C6: variants seen among roughly 807,000 people sequenced by gnomAD.
The protein encoded by C6 is complement component C6.
A neutral mutation model predicts 112.9 loss-of-function variants in C6; 101 were observed. That is an observed-to-expected ratio of 0.89 (90% CI 0.76 to 1.06). The LOEUF (loss-of-function observed/expected upper bound fraction) is 1.06, where lower values mean the gene tolerates loss of function less well. C6 is among the 50% of genes least tolerant of loss of function. C6 has a pLI of 0.00. For synonymous variants in C6, 431 were observed against 384.1 expected (o/e 1.12, Z -1.43); for missense variants, 1,202 against 1,104.6 (o/e 1.09, Z -1.25).
chr5:41,173,501 T>A (rs1056919589), intron 8 of C6, among the ~76,000 whole-genome samples: 4 of 152,208 alleles, frequency 2.6e-5, no homozygotes, highest in African/African-American at 9.6e-5. Flanking sequence ...GCTGGAAACA[T>A]CAAAACTAAA....
intron 1 of C6, among the ~76,000 whole-genome samples, chr5:41,221,441 T>C (rs1424764541): frequency 2.0e-5 from 3 of 152,172 alleles, no homozygotes; most frequent in Non-Finnish European, 4.4e-5. Context: ...GAATTTAATT[T>C]CTCCTGTGTC....
intron 1 of C6, among the ~76,000 whole-genome samples, chr5:41,226,374 A>G (rs1315142581): frequency 6.6e-6 from 1 of 152,214 alleles, no homozygotes; most frequent in African/African-American, 2.4e-5. Flanking sequence ...ACTGGCCATC[A>G]GAGAAATGCA....
chr5:41,163,032 G>A (rs557307340), intron 9 of C6, among the ~76,000 whole-genome samples: 3 of 152,088 alleles, frequency 2.0e-5, no homozygotes, highest in Admixed American at 6.6e-5. Flanking sequence ...TCTGTGAGGG[G>A]CATGGGATCC....
At chr5:41,167,110 G>T (rs910733372) in intron 9 of C6, among the ~76,000 whole-genome samples, 91 of 151,880 alleles carry the variant, frequency 6.0e-4, no homozygotes, top group African/African-American at 2.1e-3. Context: ...GCTGAATCAT[G>T]GGCTTTCTAT....
chr5:41,144,252 T>C (rs1459921364), intron 17 of C6, among the ~76,000 whole-genome samples: 1 of 152,162 alleles, frequency 6.6e-6, no homozygotes, highest in Non-Finnish European at 1.5e-5. Context: ...ATAACCATAT[T>C]CTGATCTTTT....
At chr5:41,179,843 A>G (rs530334842) in intron 7 of C6, among the ~76,000 whole-genome samples, 1 of 151,944 alleles carries the variant, frequency 6.6e-6, no homozygotes, top group Admixed American at 6.6e-5. Context: ...AATATCTTGA[A>G]GTGTAATACA....
chr5:41,180,735 A>C (rs554677468), intron 7 of C6, among the ~76,000 whole-genome samples: 9 of 152,096 alleles, frequency 5.9e-5, no homozygotes, highest in Non-Finnish European at 1.0e-4. Flanking sequence ...TGATACAGTC[A>C]GGATATTCTT....
intron 9 of C6, among the ~76,000 whole-genome samples, chr5:41,165,184 G>T (rs907831907): frequency 6.6e-6 from 1 of 152,058 alleles, no homozygotes; most frequent in Admixed American, 6.6e-5. Context: ...ATCATAATTT[G>T]CTCATTTTAC....
chr5:41,203,153 GT>G lies in C6; in HGVS notation c.77del (p.His26ProfsTer25). 7.4e-6 allele frequency: 12 copies of G among 1,614,108 alleles called. No individual in the cohort carries two copies. Among genetic ancestry groups the G allele is most frequent in the Non-Finnish European group, 1.0e-5 (12 of 1,179,990 alleles). Reference protein sequence around the residue: ...INKGQACFCDHYAWTQWTSCS... With the variant: ...INKGQACFCDXYAWTQWTSCS... ...AGCTGGTCCACTGAGTCCATGCATAGTGATCACAGAAGCAGGCTTGGCCCTT... is the reference window on the plus strand; with the variant it reads ...AGCTGGTCCACTGAGTCCATGCATAGGATCACAGAAGCAGGCTTGGCCCTT... On this transcript the variant is annotated frameshift_variant, in exon 2 of 18. Coordinates refer to ENST00000337836, the MANE Select transcript of C6 (RefSeq NM_000065.5). LOFTEE classifies it high-confidence loss of function.
chr5:41,220,377 G>A (rs935194706), intron 1 of C6, among the ~76,000 whole-genome samples: 34 of 152,040 alleles, frequency 2.2e-4, no homozygotes, highest in African/African-American at 8.2e-4. Context: ...AGGAATTTGA[G>A]GTCTTCTGCT....
intron 17 of C6, among the ~76,000 whole-genome samples, chr5:41,148,833 C>T (rs1198354370): frequency 6.6e-6 from 1 of 152,148 alleles, no homozygotes; most frequent in Non-Finnish European, 1.5e-5. Flanking sequence ...GATGCTTTGG[C>T]AATGCAAAAT....
chr5:41,188,669 T>C (rs1158304275), intron 5 of C6, among the ~76,000 whole-genome samples: 1 of 152,040 alleles, frequency 6.6e-6, no homozygotes, highest in African/African-American at 2.4e-5. Context: ...ATAGAACTTT[T>C]AGAAGACAAT....
intron 1 of C6, among the ~76,000 whole-genome samples, chr5:41,259,990 T>C (rs1741944803): frequency 6.6e-6 from 1 of 152,174 alleles, no homozygotes; most frequent in Non-Finnish European, 1.5e-5. Flanking sequence ...AACAAACCAC[T>C]CTCAGCTGGA....
chr5:41,158,835 T>G, intron 12 of C6, 50 bp from the exon 13 acceptor site: 23 of 1,094,364 alleles, frequency 2.1e-5, no homozygotes, highest in Non-Finnish European at 3.3e-5. Context: ...GTACACACAT[T>G]TACATGTGTG....
At chr5:41,160,543 G>C (rs1475287841) in intron 10 of C6, among the ~76,000 whole-genome samples, 176 bp from the exon 11 acceptor site, 1 of 152,100 alleles carries the variant, frequency 6.6e-6, no homozygotes, top group Non-Finnish European at 1.5e-5. Context: ...TTCTACCTGT[G>C]GACAGGTGTG....
chr5:41,177,018 A>G (rs933505019), intron 7 of C6, among the ~76,000 whole-genome samples: 9 of 152,234 alleles, frequency 5.9e-5, no homozygotes, highest in East Asian at 1.9e-4. Flanking sequence ...CTGATTGCCA[A>G]TCATGGCTGC....
intron 1 of C6, among the ~76,000 whole-genome samples, chr5:41,234,573 A>T (rs1450595998): frequency 1.3e-5 from 2 of 152,064 alleles, no homozygotes; most frequent in Admixed American, 1.3e-4. Context: ...ACAAAAGTGG[A>T]AATATCATTG....
intron 6 of C6, among the ~76,000 whole-genome samples, chr5:41,182,344 G>T (rs552148890): frequency 6.7e-6 from 1 of 150,136 alleles, no homozygotes. Flanking sequence ...TGCTTTCTAA[G>T]TGACTATTAT....
intron 7 of C6, 85 bp from the exon 8 acceptor site, chr5:41,176,800 T>C: frequency 8.2e-7 from 1 of 1,222,324 alleles, no homozygotes. Context: ...GATTTATCAT[T>C]AGTTTCATTC....
Sources: allele counts gnomAD v4.1 joint callset (sites outside exome capture counted in the v4.1 genomes callset), GRCh38; gene constraint gnomAD v4.1.1; transcripts MANE v1.5; gene names NCBI Gene and HGNC (gene_info 2026-07-23, HGNC 2026-07-21).